TDO2: variants seen among roughly 807,000 people sequenced by gnomAD.
The protein encoded by TDO2 is tryptamin 2,3-dioxygenase.
TDO2 carries 63 observed loss-of-function variants against 61.2 expected under a neutral mutation model. That is an observed-to-expected ratio of 1.03 (90% confidence interval 0.84 to 1.27). TDO2 has a LOEUF of 1.27. TDO2 is among the 50% of genes most tolerant of loss of function. TDO2 has a pLI of 0.00. For missense variants in TDO2, 494 were observed against 469.5 expected, an observed-to-expected ratio of 1.05 and a Z score of -0.48; for synonymous variants, 183 against 164.0, an observed-to-expected ratio of 1.12 and a Z score of -0.89.
At chr4:155,917,539 T>C in intron 10 of TDO2, 65 bp downstream of exon 10, 1 of 1,366,032 alleles carries the variant, frequency 7.3e-7, no homozygotes, top group South Asian at 1.3e-5. Context: ...TTTATCTTGG[T>C]CTTCTGTGTG....
At chr4:155,905,260 T>C in intron 3 of TDO2, 103 bp downstream of exon 3, 1 of 866,500 alleles carries the variant, frequency 1.2e-6, no homozygotes. Context: ...GATCATGGAA[T>C]CACCTCTGTT....
chr4:155,904,812 T>C (rs1307162962), intron 2 of TDO2, among the ~76,000 whole-genome samples: 1 of 152,168 alleles, frequency 6.6e-6, no homozygotes, highest in Non-Finnish European at 1.5e-5. Flanking sequence ...AAAAGGGATA[T>C]GATGTCTCAA....
At chr4:155,905,904 A>G (rs1553957803) in intron 3 of TDO2, 1 of 152,148 alleles carries the variant, frequency 6.6e-6, no homozygotes, top group Non-Finnish European at 1.5e-5. Context: ...GTAAATTAAT[A>G]AACTCTGGTA....
intron 1 of TDO2, 101 bp from the exon 2 acceptor site, chr4:155,903,912 ATCTAC>A (rs1463984929): frequency 2.0e-6 from 3 of 1,503,630 alleles, no homozygotes; most frequent in African/African-American, 1.4e-5. Flanking sequence ...TTGTCTAACA[ATCTAC>A]TCTAAAGAAA....
intron 10 of TDO2, 52 bp downstream of exon 10, chr4:155,917,526 C>A: frequency 6.8e-7 from 1 of 1,473,810 alleles, no homozygotes; most frequent in Admixed American, 2.1e-5. Flanking sequence ...TGTTCCTGTG[C>A]TCTTTATCTT....
At chr4:155,917,523 G>T (rs1421278717) in intron 10 of TDO2, 49 bp downstream of exon 10, 5 of 1,495,174 alleles carry the variant, frequency 3.3e-6, no homozygotes, top group Non-Finnish European at 4.6e-6. Flanking sequence ...TGCTGTTCCT[G>T]TGCTCTTTAT....
At chr4:155,918,360 C>A in intron 11 of TDO2, 121 bp downstream of exon 11, 2 of 746,038 alleles carry the variant, frequency 2.7e-6, no homozygotes, top group Non-Finnish European at 4.4e-6. Flanking sequence ...ACTAACAACA[C>A]GTTTGTAGTT....
At chr4:155,909,935 C>G (rs544416016) in intron 5 of TDO2, 90 bp from the exon 6 acceptor site, 1 of 56,888 alleles carries the variant, frequency 1.8e-5, no homozygotes, top group Non-Finnish European at 3.5e-5. Context: ...CTCCCCTCCC[C>G]TCTCCCCTCC....
rs202202273 is a variant in TDO2, at chr4:155,904,117, C to T, written c.135C>T (p.Tyr45=). The change falls in exon 2 of 12, where the codon TAC becomes TAT. Residue 45 remains tyrosine (Y), a synonymous_variant. Transcript: ENST00000536354. ...AAGGAGGTCTTATCTATGGGAACTA[C>T]CTGCATGTAAGTGGCAGGGTCCTTA... is the stretch of plus-strand genomic sequence containing the variant. ...ASKGGLIYGN[Y]LHLEKVLNAQ... is the part of the protein sequence containing the mutation. 6.8e-6 allele frequency: 11 copies of T among 1,612,672 alleles called. No individual in the cohort carries two copies. In the African/African-American group the frequency reaches 8.0e-5, roughly 12 times the overall value.
chr4:155,912,780 A>G (rs1742857916), intron 7 of TDO2, among the ~76,000 whole-genome samples: 1 of 152,110 alleles, frequency 6.6e-6, no homozygotes, highest in Non-Finnish European at 1.5e-5. Context: ...TAGATTTCAG[A>G]ACATGTATAT....
rs1411019566 is a variant in TDO2 at position 155,903,704 on chromosome 4, G to A, written c.-55G>A. On this transcript the variant is annotated 5_prime_UTR_variant, in exon 1 of 12. An upstream start codon of the reference 5' UTR is lost. Coordinates refer to ENST00000536354, the MANE Select transcript of TDO2 (RefSeq NM_005651.4). Reference sequence around the variant, plus strand: ...CTGTAGAACATCTGGGAAGGTCAATGATAGCATCTGCCTAGAGTCAAACCT... The same window carrying A: ...CTGTAGAACATCTGGGAAGGTCAATAATAGCATCTGCCTAGAGTCAAACCT... The A allele has an allele frequency of 1.4e-5, 23 of 1,606,482 alleles. No homozygotes were observed. The highest frequency in any genetic ancestry group is 1.9e-5 in the Non-Finnish European group (22 of 1,173,316).
At chr4:155,917,525 G>A (rs887067196) in intron 10 of TDO2, 51 bp downstream of exon 10, 21 of 1,483,814 alleles carry the variant, frequency 1.4e-5, no homozygotes, top group Admixed American at 4.1e-5. Flanking sequence ...CTGTTCCTGT[G>A]CTCTTTATCT....
intron 8 of TDO2, 98 bp downstream of exon 8, chr4:155,914,532 A>G: frequency 3.6e-6 from 3 of 827,600 alleles, no homozygotes; most frequent in Middle Eastern, 2.7e-4. Context: ...TGGGAGAAAT[A>G]GAATGAAAAT....
intron 11 of TDO2, among the ~76,000 whole-genome samples, chr4:155,918,472 C>G (rs893758088): frequency 2.0e-5 from 3 of 152,126 alleles, no homozygotes; most frequent in Non-Finnish European, 4.4e-5. Flanking sequence ...GTATCAATGG[C>G]TGCATGATAT....
intron 11 of TDO2, among the ~76,000 whole-genome samples, chr4:155,919,276 T>C (rs1448207653): frequency 1.3e-5 from 2 of 152,228 alleles, no homozygotes; most frequent in African/African-American, 4.8e-5. Flanking sequence ...CCCAGATTTA[T>C]TTAACTTCAA....
At chr4:155,916,926 T>C (rs912226827) in intron 9 of TDO2, among the ~76,000 whole-genome samples, 1 of 151,920 alleles carries the variant, frequency 6.6e-6, no homozygotes, top group African/African-American at 2.4e-5. Flanking sequence ...CTAGAAAATA[T>C]GCTGAGAAAG....
chr4:155,906,470 T>G (rs557610271), intron 3 of TDO2: 51 of 152,274 alleles, frequency 3.3e-4, no homozygotes, highest in Non-Finnish European at 5.6e-4. Flanking sequence ...AAACATTGCC[T>G]TTATCCATAT....
Position 155,909,022 on chromosome 4 carries a change from C to T in TDO2, c.431+8C>T. 1 of 1,582,744 alleles carries T rather than the reference C, an allele frequency of 6.3e-7. No individual in the cohort carries two copies. Among genetic ancestry groups the T allele is most frequent in the Non-Finnish European group, 8.6e-7 (1 of 1,166,320 alleles). On this transcript the variant is annotated splice_region_variant and intron_variant, in intron 5 of 11. Transcript: ENST00000536354. ...GGACTTCAATGACTTCAGGTGTGCA[C>T]ATTTGGCATTTTAAAAAATGTGATG...
intron 7 of TDO2, 63 bp from the exon 8 acceptor site, chr4:155,914,260 T>A (rs1348276431): frequency 7.7e-7 from 1 of 1,294,596 alleles, no homozygotes; most frequent in African/African-American, 1.5e-5. Flanking sequence ...ATAAGCAAAG[T>A]TTTCTAAAAT....
Sources: gnomAD v4.1 joint callset for allele counts (sites outside exome capture counted in the v4.1 genomes callset) on GRCh38, gnomAD v4.1.1 for gene constraint, MANE v1.5 for transcripts, NCBI Gene and HGNC (gene_info 2026-07-23, HGNC 2026-07-21) for gene names.